The following ZNF407 variants were observed in gnomAD, a reference collection of about 807,000 sequenced individuals.
ZNF407 encodes zinc finger protein 407.
A neutral mutation model predicts 131.2 loss-of-function variants in ZNF407; 17 were observed. The observed-to-expected ratio is 0.13, with a 90% confidence interval of 0.09 to 0.19. The LOEUF (loss-of-function observed/expected upper bound fraction) is 0.19, where lower values mean the gene tolerates loss of function less well. Ranked by LOEUF, ZNF407 falls within the 10% of genes least tolerant of loss-of-function variation. The pLI is 1.00. For missense variants in ZNF407, 2,681 were observed against 2,830.6 expected (o/e 0.95, Z 1.20); for synonymous variants, 1,156 against 1,062.0 (o/e 1.09, Z -1.72).
At chr18:74,658,553 A>C (rs979739301) in intron 3 of ZNF407, among the ~76,000 whole-genome samples, 10 of 152,198 alleles carry the variant, frequency 6.6e-5, no homozygotes, top group African/African-American at 2.4e-4. Flanking sequence ...CTAGATGAAT[A>C]CTGGGTTGGG....
intron 8 of ZNF407, among the ~76,000 whole-genome samples, chr18:75,008,144 C>G (rs1972933030): frequency 6.6e-6 from 1 of 152,148 alleles, no homozygotes. Context: ...TTGATATCAC[C>G]TGTGGGCAGC....
chr18:74,970,041 A>C (rs968516794), intron 8 of ZNF407, among the ~76,000 whole-genome samples: 2 of 152,198 alleles, frequency 1.3e-5, no homozygotes, highest in African/African-American at 4.8e-5. Flanking sequence ...TCATGGCGGC[A>C]GCAAGATAAA....
chr18:74,791,906 C>A (rs989628029), intron 4 of ZNF407, among the ~76,000 whole-genome samples: 1 of 152,100 alleles, frequency 6.6e-6, no homozygotes, highest in Admixed American at 6.6e-5. Context: ...TGAGAGTTTT[C>A]TTTTTCATGA....
At chr18:74,821,684 G>A (rs1970342892) in intron 4 of ZNF407, among the ~76,000 whole-genome samples, 1 of 152,126 alleles carries the variant, frequency 6.6e-6, no homozygotes, top group South Asian at 2.1e-4. Flanking sequence ...TGGACATTTG[G>A]GTTGGTTCCA....
intron 3 of ZNF407, among the ~76,000 whole-genome samples, chr18:74,724,601 T>G (rs912193148): frequency 2.6e-5 from 4 of 152,182 alleles, no homozygotes; most frequent in African/African-American, 7.2e-5. Flanking sequence ...GTGAAAAATA[T>G]ATATAGATTT....
intron 3 of ZNF407, among the ~76,000 whole-genome samples, chr18:74,686,403 A>T (rs1247739876): frequency 6.6e-6 from 1 of 152,134 alleles, no homozygotes; most frequent in African/African-American, 2.4e-5. Flanking sequence ...TGAGGTTTTT[A>T]TCCATTCATG....
In ZNF407 at chr18:74,938,436, C is replaced by T. The variant is rs200999646; in HGVS notation, c.5428+17744C>T. ...TCTTGACTCTGACTGTGATATTAAC[C>T]TTTTGTAATTAAGACGCTCTGTCTC... On this transcript the variant is annotated intron_variant, in intron 8 of 8. Transcript: ENST00000299687. Among the ~76,000 whole-genome samples, 13 of 152,162 alleles carry T rather than the reference C, an allele frequency of 8.5e-5. No homozygotes were observed. The East Asian group carries it at 2.5e-3, about 29-fold the overall frequency.
intron 3 of ZNF407, among the ~76,000 whole-genome samples, chr18:74,774,346 T>C (rs1969423916): frequency 6.6e-6 from 1 of 152,182 alleles, no homozygotes; most frequent in South Asian, 2.1e-4. Flanking sequence ...CCTATGCCAT[T>C]GGGAGAAGGT....
intron 4 of ZNF407, among the ~76,000 whole-genome samples, chr18:74,815,312 CTTTGT>C (rs1334574792): frequency 6.6e-6 from 1 of 151,978 alleles, no homozygotes; most frequent in African/African-American, 2.4e-5. Flanking sequence ...TCTACATTTC[CTTTGT>C]TTTAAGAATT....
chr18:74,955,157 G>A (rs561908986), intron 8 of ZNF407, among the ~76,000 whole-genome samples: 21 of 152,224 alleles, frequency 1.4e-4, no homozygotes, highest in African/African-American at 4.8e-4. Context: ...GTTTAGGGTC[G>A]TTTAGGGATG....
chr18:74,775,871 G>C (rs1599143725), intron 3 of ZNF407, among the ~76,000 whole-genome samples: 1 of 151,254 alleles, frequency 6.6e-6, no homozygotes, highest in African/African-American at 2.4e-5. Flanking sequence ...GAGCAAGAGA[G>C]AGAGAGGGCG....
intron 3 of ZNF407, among the ~76,000 whole-genome samples, chr18:74,733,596 A>G (rs188576905): frequency 2.0e-4 from 30 of 152,322 alleles, no homozygotes; most frequent in Admixed American, 1.4e-3. Flanking sequence ...CAAGAAGTAT[A>G]AAGTCTGAAA....
At chr18:74,850,741 T>TA (rs922966622) in intron 4 of ZNF407, among the ~76,000 whole-genome samples, 20 of 152,250 alleles carry the variant, frequency 1.3e-4, no homozygotes, top group African/African-American at 4.8e-4. Context: ...CACACCCATG[T>TA]AGCAGCCCCT....
At chr18:74,913,730 C>T (rs2554119) in intron 7 of ZNF407, among the ~76,000 whole-genome samples, 124,890 of 152,092 alleles carry the variant, frequency 0.82, 51,690 homozygotes, top group Non-Finnish European at 0.87. Flanking sequence ...ATAATTTTAA[C>T]AACCAAAATA....
At chr18:74,954,695 A>G (rs1470071486) in intron 8 of ZNF407, among the ~76,000 whole-genome samples, 1 of 152,168 alleles carries the variant, frequency 6.6e-6, no homozygotes, top group East Asian at 1.9e-4. Flanking sequence ...TTTACATTTT[A>G]GATTATGAGT....
chr18:74,950,358 C>A (rs1193371961), intron 8 of ZNF407, among the ~76,000 whole-genome samples: 1 of 152,168 alleles, frequency 6.6e-6, no homozygotes, highest in African/African-American at 2.4e-5. Flanking sequence ...ATGGAAAAAT[C>A]AATGCAGTCT....
At chr18:74,917,935 C>T (rs1299078146) in intron 7 of ZNF407, among the ~76,000 whole-genome samples, 3 of 152,134 alleles carry the variant, frequency 2.0e-5, no homozygotes, top group Non-Finnish European at 4.4e-5. Context: ...TCCCCAGTGT[C>T]AGTAAACAAT....
At chr18:74,773,554 A>AG in intron 3 of ZNF407, among the ~76,000 whole-genome samples, 1 of 152,224 alleles carries the variant, frequency 6.6e-6, no homozygotes, top group African/African-American at 2.4e-5. Context: ...GAGAGCTTAA[A>AG]GAAGTAGTAA....
intron 3 of ZNF407, among the ~76,000 whole-genome samples, chr18:74,755,532 C>CTT (rs1968910356): frequency 2.2e-5 from 1 of 44,512 alleles, no homozygotes; most frequent in Non-Finnish European, 4.1e-5. Flanking sequence ...TGTATCTTTC[C>CTT]CTCTCTCCCT....
Sources: allele counts gnomAD v4.1 joint callset (sites outside exome capture counted in the v4.1 genomes callset), GRCh38; gene constraint gnomAD v4.1.1; transcripts MANE v1.5; gene names NCBI Gene and HGNC (gene_info 2026-07-23, HGNC 2026-07-21).